The following SOX5 variants were observed in gnomAD, a reference collection of about 807,000 sequenced individuals.
SOX5 encodes transcription factor SOX-5.
Under a neutral mutation model 92.0 loss-of-function variants are expected in SOX5, and 9 were observed. The observed-to-expected ratio is 0.10, with a 90% CI of 0.06 to 0.17. SOX5 has a LOEUF of 0.17. Ranked by LOEUF, SOX5 falls within the 10% of genes least tolerant of loss-of-function variation. The pLI is 1.00. For synonymous variants in SOX5, 344 were observed against 336.3 expected (o/e 1.02, Z -0.25); for missense variants, 642 against 944.5 (o/e 0.68, Z 4.20).
chr12:23,628,783 T>A (rs977198956), intron 8 of SOX5, among the ~76,000 whole-genome samples: 1 of 151,810 alleles, frequency 6.6e-6, no homozygotes, highest in Non-Finnish European at 1.5e-5. Flanking sequence ...ATTTGAAATG[T>A]GCAGGGCTGG....
chr12:23,855,937 T>G (rs887514578), intron 2 of SOX5, among the ~76,000 whole-genome samples: 4 of 152,126 alleles, frequency 2.6e-5, no homozygotes, highest in Non-Finnish European at 4.4e-5. Flanking sequence ...ATTAAGACTC[T>G]CAATAGAGAA....
intron 9 of SOX5, among the ~76,000 whole-genome samples, chr12:23,586,901 T>C (rs937145411): frequency 6.6e-5 from 10 of 150,600 alleles, no homozygotes; most frequent in Non-Finnish European, 1.2e-4. Context: ...AGTATAGGTC[T>C]ATTTAAATAC....
intron 1 of SOX5, among the ~76,000 whole-genome samples, chr12:23,908,190 T>C (rs1045010121): frequency 6.6e-6 from 1 of 152,146 alleles, no homozygotes; most frequent in Non-Finnish European, 1.5e-5. Flanking sequence ...TAGTTTTAAT[T>C]TCTTTTGTTT....
chr12:24,098,887 G>A (rs1339602380), intron 4 of SOX5, among the ~76,000 whole-genome samples: 2 of 152,122 alleles, frequency 1.3e-5, no homozygotes, highest in African/African-American at 4.8e-5. Flanking sequence ...GGTATCTTAT[G>A]TGCCCTCCAC....
intron 3 of SOX5, among the ~76,000 whole-genome samples, chr12:23,810,490 C>G (rs1389656871): frequency 6.6e-6 from 1 of 152,158 alleles, no homozygotes; most frequent in Non-Finnish European, 1.5e-5. Context: ...GTTGTTTTAA[C>G]AGCTGAGCTG....
In SOX5 at chr12:23,972,424, C is replaced by A. The variant is rs375453295; in HGVS notation, c.-1-76400G>T. 4.6e-5 allele frequency among the ~76,000 whole-genome samples: 7 copies of A among 152,236 alleles called. No homozygotes were observed. In the East Asian group the frequency reaches 7.7e-4, roughly 17 times the overall value. Reference sequence around the variant, plus strand: ...CCAGGCTGGAGTGCAGTGGTGCAATCTCTGCTCACTGCAACCTCCACCTCC... The same window carrying A: ...CCAGGCTGGAGTGCAGTGGTGCAATATCTGCTCACTGCAACCTCCACCTCC... On this transcript the variant is annotated intron_variant, in intron 4 of 4. Coordinates refer to the SOX5 transcript ENST00000446891.
chr12:24,492,243 T>C (rs1597272054), intron 1 of SOX5, among the ~76,000 whole-genome samples: 1 of 152,156 alleles, frequency 6.6e-6, no homozygotes, highest in African/African-American at 2.4e-5. Flanking sequence ...ACAACAGAAA[T>C]AGCTGTTGAT....
intron 4 of SOX5, among the ~76,000 whole-genome samples, chr12:24,094,444 C>T (rs1362451427): frequency 7.2e-6 from 1 of 139,282 alleles, no homozygotes; most frequent in Non-Finnish European, 1.5e-5. Flanking sequence ...TACCTCTCCA[C>T]TATTAGTGGC....
intron 4 of SOX5, among the ~76,000 whole-genome samples, chr12:24,181,138 G>A (rs1251175247): frequency 6.6e-6 from 1 of 152,192 alleles, no homozygotes; most frequent in Non-Finnish European, 1.5e-5. Flanking sequence ...CTGAGGAATG[G>A]TATACTGGTC....
chr12:24,008,187 T>C (rs1051547530), intron 4 of SOX5, among the ~76,000 whole-genome samples: 1 of 152,106 alleles, frequency 6.6e-6, no homozygotes, highest in African/African-American at 2.4e-5. Flanking sequence ...TGAAGCTACT[T>C]TTACCAAAAC....
chr12:23,604,369 G>T lies in SOX5; in HGVS notation c.1164+18C>A, dbSNP rs1029845236. ...AATAAAGCTAAGTGGCAAGACAGTG[G>T]CTTCTTCAAAAGGGTACCTTGCTTT... On this transcript the variant is annotated intron_variant, in intron 9 of 14. Transcript: ENST00000451604. 7.4e-6 allele frequency: 12 copies of T among 1,612,840 alleles called. No homozygotes were observed. In the Admixed American group the frequency reaches 2.0e-4, roughly 27 times the overall value.
At chr12:23,954,763 C>T (rs1297268239), upstream of SOX5, among the ~76,000 whole-genome samples, 2 of 152,016 alleles carry the variant, frequency 1.3e-5, no homozygotes, top group African/African-American at 2.4e-5. Context: ...TTAGAATACA[C>T]AGATGAATTG....
chr12:23,982,148 A>G (rs1451663254), intron 4 of SOX5, among the ~76,000 whole-genome samples: 4 of 152,192 alleles, frequency 2.6e-5, no homozygotes, highest in Non-Finnish European at 5.9e-5. Context: ...AAGCGTCAGG[A>G]AATGTATTTG....
chr12:24,146,522 ATTTT>A (rs972281745), intron 4 of SOX5, among the ~76,000 whole-genome samples: 1 of 152,094 alleles, frequency 6.6e-6, no homozygotes, highest in Admixed American at 6.6e-5. Context: ...TGTCTATACT[ATTTT>A]TTTAAAAATG....
intron 4 of SOX5, among the ~76,000 whole-genome samples, chr12:23,745,124 G>C (rs1204435807): frequency 6.6e-6 from 1 of 152,042 alleles, no homozygotes; most frequent in Non-Finnish European, 1.5e-5. Flanking sequence ...TATGAATTAG[G>C]GTTGGTGGGT....
At chr12:23,887,199 A>C (rs1048544542) in intron 2 of SOX5, among the ~76,000 whole-genome samples, 1 of 152,170 alleles carries the variant, frequency 6.6e-6, no homozygotes, top group African/African-American at 2.4e-5. Flanking sequence ...AAGCCCCAAG[A>C]GGCAACATAT....
chr12:24,503,186 CA>C (rs61240012), intron 1 of SOX5, among the ~76,000 whole-genome samples: 8 of 151,786 alleles, frequency 5.3e-5, no homozygotes, highest in South Asian at 2.1e-4. Context: ...ACAAAGCATA[CA>C]AAAAAAAGTA....
In SOX5 at chr12:24,438,917, A is replaced by G. The variant is rs115528302; in HGVS notation, c.-250-70278T>C. The stretch of plus-strand genomic sequence containing the variant: ...ACTTAGTTGATAAAGCAGTGGTTTG[A>G]GAGAATTGACTCCAGTTTTAAAAGA... On this transcript the variant is annotated intron_variant, in intron 1 of 4. Coordinates refer to the SOX5 transcript ENST00000446891. 4.2e-3 allele frequency among the ~76,000 whole-genome samples: 645 copies of G among 152,396 alleles called. 3 individuals carry two copies. Among genetic ancestry groups the G allele is most frequent in the African/African-American group, 0.015 (617 of 41,598 alleles).
intron 4 of SOX5, among the ~76,000 whole-genome samples, chr12:23,986,324 G>A (rs932188169): frequency 1.3e-5 from 2 of 151,888 alleles, no homozygotes; most frequent in African/African-American, 4.8e-5. Flanking sequence ...AAAATCCCAG[G>A]CCTCATGAAG....
Sources: allele counts gnomAD v4.1 joint callset (sites outside exome capture counted in the v4.1 genomes callset), GRCh38; gene constraint gnomAD v4.1.1; transcripts MANE v1.5; gene names NCBI Gene and HGNC (gene_info 2026-07-23, HGNC 2026-07-21).